Variants in DNASE1L1 observed in about 807,000 individuals in gnomAD.
DNASE1L1 encodes deoxyribonuclease 1 like 1.
A neutral mutation model predicts 18.6 loss-of-function variants in DNASE1L1; 8 were observed. That is an observed-to-expected ratio of 0.43 (90% CI 0.25 to 0.78). The LOEUF (loss-of-function observed/expected upper bound fraction) is 0.78, where lower values mean the gene tolerates loss of function less well. Ranked by LOEUF, DNASE1L1 falls within the 30% of genes least tolerant of loss-of-function variation. The pLI, the probability that DNASE1L1 is intolerant of heterozygous loss-of-function variation, is 0.23. For synonymous variants in DNASE1L1, 114 were observed against 114.2 expected, an observed-to-expected ratio of 1.00 and a Z score of 0.01; for missense variants, 214 against 258.2, an observed-to-expected ratio of 0.83 and a Z score of 1.17.
chrX:154,402,913 CCCT>C, intron 7 of DNASE1L1, 26 bp downstream of exon 7: 1 of 1,206,263 alleles, frequency 8.3e-7, no homozygotes, highest in Non-Finnish European at 1.1e-6. Context: ...CTGCTGCCCT[CCCT>C]CCTCATGCCA....
chrX:154,403,224 G>C, intron 6 of DNASE1L1, 34 bp from the exon 7 acceptor site: 1 of 1,209,552 alleles, frequency 8.3e-7, no homozygotes, highest in East Asian at 3.0e-5. Context: ...CTGGCCGCTG[G>C]GCCACCCTAT....
At chrX:154,403,876 T>C (rs1385392569) in intron 4 of DNASE1L1, among the ~76,000 whole-genome samples, 1 of 112,166 alleles carries the variant, frequency 8.9e-6, no homozygotes, top group Non-Finnish European at 1.9e-5. Context: ...TTTTAAAACA[T>C]TGGTATCCAT....
upstream of DNASE1L1, chrX:154,410,013 G>A (rs1180634623): frequency 4.5e-5 from 5 of 112,023 alleles, no homozygotes; most frequent in East Asian, 5.6e-4. Context: ...AGGCTGAGGC[G>A]GGTGGATACG....
chrX:154,409,409 A>T (rs1476062828), upstream of DNASE1L1: 2 of 178,275 alleles, frequency 1.1e-5, no homozygotes, highest in African/African-American at 3.0e-5. Context: ...CCAGCGGGAC[A>T]TGACAGACCT....
At position 154,401,937 on chromosome X, in the gene DNASE1L1, G is replaced by A. The variant is rs1471923221; in HGVS notation, c.*770C>T. 2 of 111,813 alleles carry A rather than the reference G, an allele frequency of 1.8e-5. No individual in the cohort carries two copies. Among genetic ancestry groups the A allele is most frequent in the African/African-American group, 6.5e-5 (2 of 30,620 alleles). 9.2% of individuals were successfully genotyped at this position (111,813 alleles called of 1,213,427 possible). A position where few individuals can be genotyped will look rare whatever the true frequency, so the allele number is the denominator to read the frequency against. ...CTCTTCTTTGGAGAGGAGGATGGAA[G>A]GGAGGGGTCCGGCATGCTGCTGGCA... On this transcript the variant is annotated 3_prime_UTR_variant, in exon 8 of 8. Coordinates refer to ENST00000369807, the MANE Select transcript of DNASE1L1 (RefSeq NM_001303620.2).
chrX:154,408,986 A>G, intron 1 of DNASE1L1, 126 bp downstream of exon 1: 1 of 257,436 alleles, frequency 3.9e-6, no homozygotes, highest in Non-Finnish European at 7.8e-6. Flanking sequence ...TCCTGGCTTC[A>G]GCCCCAAACC....
Position 154,405,512 on chromosome X carries a change from A to G in DNASE1L1, c.57T>C (p.Phe19=). 1 of 1,203,358 alleles carries G rather than the reference A, an allele frequency of 8.3e-7. No homozygotes were observed. ...FLILANGAQA[F]RICAFNAQRL... is the part of the protein sequence containing the mutation. ...GCTGGGCATTGAAGGCGCAGATGCG[A>G]AAGGCCTGGGCCCCATTGGCCAGGA... Residue 19 remains phenylalanine, a synonymous_variant, in exon 2 of 8, where the codon TTT becomes TTC. Transcript: ENST00000369807.
chrX:154,406,785 C>A (rs1376288225), intron 1 of DNASE1L1, among the ~76,000 whole-genome samples: 1 of 104,631 alleles, frequency 9.6e-6, no homozygotes, highest in Non-Finnish European at 2.0e-5. Context: ...GCTGGGATTG[C>A]AGGAATGAGC....
chrX:154,411,881 C>G (rs1557190859), upstream of DNASE1L1: 1 of 1,205,420 alleles, frequency 8.3e-7, no homozygotes, highest in Admixed American at 2.2e-5. Context: ...CCCGCGGTGC[C>G]GCCGCTCACC....
At chrX:154,403,825 T>C in intron 4 of DNASE1L1, 1 of 427,967 alleles carries the variant, frequency 2.3e-6, no homozygotes, top group Non-Finnish European at 4.1e-6. Context: ...ACACGGTTCT[T>C]TTGTACATTC....
Position 154,403,011 on chromosome X carries a change from G to A in DNASE1L1, c.705C>T (p.Arg235=). 1 of 1,211,789 alleles carries A rather than the reference G, an allele frequency of 8.3e-7. No individual in the cohort carries two copies. Among genetic ancestry groups the A allele is most frequent in the Non-Finnish European group, 1.1e-6 (1 of 895,619 alleles). ...CCGCAGTGTGCAGCAGACTCCGGCA[G>A]CGCTCCCCGTGCAGCACGACGCGGT... is the stretch of plus-strand genomic sequence containing the variant. The part of the protein sequence containing the change: ...TYDRVVLHGE[R]CRSLLHTAAA... The change falls in exon 7 of 8, where the codon CGC becomes CGT. Residue 235 remains arginine, a synonymous_variant. Coordinates refer to ENST00000369807, the MANE Select transcript of DNASE1L1 (RefSeq NM_001303620.2).
rs1557186897 is a variant in DNASE1L1 at position 154,402,378 on chromosome X, C to A, written c.*329G>T. 4.4e-6 allele frequency: 1 copy of A among 225,417 alleles called. No individual in the cohort carries two copies. The highest frequency in any genetic ancestry group is 2.9e-5 in the African/African-American group (1 of 34,793). The allele number at this position is 225,417 out of a possible 1,213,427, so 18.6% of individuals were successfully genotyped here. A position where few individuals can be genotyped will look rare whatever the true frequency, so the allele number is the denominator to read the frequency against. On this transcript the variant is annotated 3_prime_UTR_variant, in exon 8 of 8. Transcript: ENST00000369807. The stretch of plus-strand genomic sequence containing the variant: ...TATCTCACCAATCTGGGTTTTTGTT[C>A]TCAGTAACTTTCCTTCTTGTCATAC...
At position 154,402,030 on chromosome X, in the gene DNASE1L1, G is replaced by A. The variant is rs2068051953; in HGVS notation, c.*677C>T. 1 of 111,742 alleles carries A rather than the reference G, an allele frequency of 8.9e-6. No homozygotes were observed. Among genetic ancestry groups the A allele is most frequent in the African/African-American group, 3.3e-5 (1 of 30,462 alleles). The allele number at this position is 111,742 out of a possible 1,213,427, so 9.2% of individuals were successfully genotyped here. A position where few individuals can be genotyped will look rare whatever the true frequency, so the allele number is the denominator to read the frequency against. On this transcript the variant is annotated 3_prime_UTR_variant, in exon 8 of 8. Transcript: ENST00000369807. Reference sequence around the variant, plus strand: ...ACACAGCTTTTTAGCTTACATAACTGGTGCAGATTTTCTGTGTGGAGATGT... The same window carrying A: ...ACACAGCTTTTTAGCTTACATAACTAGTGCAGATTTTCTGTGTGGAGATGT...
In DNASE1L1 at chrX:154,402,199, A is replaced by G. The variant is rs138408303; in HGVS notation, c.*508T>C. 3.7e-3 allele frequency: 455 copies of G among 123,938 alleles called. 3 individuals are homozygous for G. The highest frequency in any genetic ancestry group is 5.8e-3 in the Non-Finnish European group (349 of 60,268). 10.2% of individuals were successfully genotyped at this position (123,938 alleles called of 1,213,427 possible). Reference sequence around the variant, plus strand: ...TTGTTCACCGGATTATAATGAGCCAAAATGTTTCCCGGTGTTTGCTGGTTT... The same window carrying G: ...TTGTTCACCGGATTATAATGAGCCAGAATGTTTCCCGGTGTTTGCTGGTTT... On this transcript the variant is annotated 3_prime_UTR_variant, in exon 8 of 8. Coordinates refer to ENST00000369807, the MANE Select transcript of DNASE1L1 (RefSeq NM_001303620.2).
At chrX:154,408,293 C>T (rs1009484898) in intron 1 of DNASE1L1, among the ~76,000 whole-genome samples, 1 of 111,977 alleles carries the variant, frequency 8.9e-6, no homozygotes, top group Non-Finnish European at 1.9e-5. Flanking sequence ...GTTCCAAGAC[C>T]CCAGTGCTTT....
Position 154,403,561 on chromosome X carries a change from G to A in DNASE1L1, c.373C>T (p.Arg125Trp), listed in dbSNP as rs782095435. 12 of 1,210,390 alleles carry A rather than the reference G, an allele frequency of 9.9e-6. No individual in the cohort carries two copies. Among genetic ancestry groups the A allele is most frequent in the African/African-American group, 3.5e-5 (2 of 57,290 alleles). The change falls in exon 5 of 8, where the codon CGG becomes TGG. Residue 125 changes from arginine to tryptophan, a missense_variant. By Grantham distance (101) the Arg-to-Trp change is moderately radical. Transcript: ENST00000369807. The part of the protein sequence containing the change: ...VYNDEDDVFA[R>W]EPFVAQFSLP... ...GAGAACTGGGCCACAAATGGCTCCCGGGCAAAGACGTCATCCTCATCGTTG... is the reference window on the plus strand; with the variant it reads ...GAGAACTGGGCCACAAATGGCTCCCAGGCAAAGACGTCATCCTCATCGTTG...
At chrX:154,409,404 G>A (rs1188451152), upstream of DNASE1L1, 6 of 192,296 alleles carry the variant, frequency 3.1e-5, no homozygotes, top group Non-Finnish European at 6.0e-5. Context: ...CCGGGCCAGC[G>A]GGACATGACA....
intron 1 of DNASE1L1, among the ~76,000 whole-genome samples, chrX:154,406,355 A>G (rs782608546): frequency 1.0e-5 from 1 of 97,653 alleles, no homozygotes; most frequent in Non-Finnish European, 2.0e-5. Context: ...TCATTCATTC[A>G]TCCATCCATC....
rs782332152 is a variant in DNASE1L1, at chrX:154,403,123, A to G, written c.593T>C (p.Leu198Pro). The G allele has an allele frequency of 2.5e-6, 3 of 1,211,770 alleles. No homozygotes were observed. The highest frequency in any genetic ancestry group is 1.8e-5 in the South Asian group (1 of 57,007). The change falls in exon 7 of 8, where the codon CTG becomes CCG. Residue 198 changes from leucine (L) to proline (P), a missense_variant. By Grantham distance (98) the Leu-to-Pro change is moderately conservative (BLOSUM62 -3). Coordinates refer to ENST00000369807, the MANE Select transcript of DNASE1L1 (RefSeq NM_001303620.2). ...GAAGCCTGGCTCAGTCCGCAGCTCC[A>G]GCTTGTCCAGGCGCTTTTTGGTCAG... is the stretch of plus-strand genomic sequence containing the variant. The part of the protein sequence containing the change: ...ASLTKKRLDK[L>P]ELRTEPGFHW...
Sources: allele counts gnomAD v4.1 joint callset (sites outside exome capture counted in the v4.1 genomes callset), GRCh38; gene constraint gnomAD v4.1.1; transcripts MANE v1.5; gene names NCBI Gene and HGNC (gene_info 2026-07-23, HGNC 2026-07-21).